LPIN2: variants seen among roughly 807,000 people sequenced by gnomAD.
LPIN2 encodes phosphatidate phosphatase LPIN2.
In LPIN2, 55 loss-of-function variants were observed where a neutral mutation model predicts 111.4. The observed-to-expected ratio is 0.49, with a 90% confidence interval of 0.40 to 0.62. LPIN2 has a LOEUF of 0.62. Ranked by LOEUF, LPIN2 falls within the 20% of genes least tolerant of loss-of-function variation. The probability of loss-of-function intolerance (pLI) is 0.00; values close to 1 mark genes in which losing one functional copy is unlikely to be tolerated. For synonymous variants in LPIN2, 425 were observed against 414.0 expected, an observed-to-expected ratio of 1.03 and a Z score of -0.32; for missense variants, 992 against 1,112.1, an observed-to-expected ratio of 0.89 and a Z score of 1.54.
At chr18:2,990,817 A>C in intron 1 of LPIN2, 1 of 396,408 alleles carries the variant, frequency 2.5e-6, no homozygotes, top group Middle Eastern at 9.1e-4. Context: ...ACAAGGAAAG[A>C]TACTTCCTAC....
chr18:2,996,667 C>CG (rs2078350240), intron 1 of LPIN2, among the ~76,000 whole-genome samples: 2 of 151,268 alleles, frequency 1.3e-5, no homozygotes, highest in Admixed American at 1.3e-4. Context: ...TTAGTAGAGA[C>CG]GGGGTTTCAC....
chr18:2,931,891 T>A (rs2077217868), intron 8 of LPIN2, among the ~76,000 whole-genome samples: 1 of 152,204 alleles, frequency 6.6e-6, no homozygotes, highest in African/African-American at 2.4e-5. Context: ...AAAATTACTG[T>A]AGTCCAAGGC....
At chr18:2,958,173 A>AAAAAAAAAAAAC (rs2077650874) in intron 2 of LPIN2, among the ~76,000 whole-genome samples, 1 of 126,256 alleles carries the variant, frequency 7.9e-6, no homozygotes, top group Non-Finnish European at 1.7e-5. Flanking sequence ...AAAAAAAAAA[A>AAAAAAAAAAAAC]CAGAAAAAAG....
intron 5 of LPIN2, among the ~76,000 whole-genome samples, chr18:2,940,101 G>C (rs2077348058): frequency 6.6e-6 from 1 of 152,228 alleles, no homozygotes; most frequent in African/African-American, 2.4e-5. Context: ...CAAGGCGAGA[G>C]GATCACCTGA....
chr18:2,923,677 CAT>C (rs2077089315), intron 16 of LPIN2, 96 bp downstream of exon 16: 14 of 1,024,976 alleles, frequency 1.4e-5, no homozygotes, highest in Admixed American at 3.4e-5. Context: ...AGCATAAACA[CAT>C]GACTCATGTG....
intron 1 of LPIN2, among the ~76,000 whole-genome samples, chr18:2,963,506 A>G (rs1032979416): frequency 6.6e-6 from 1 of 152,018 alleles, no homozygotes; most frequent in African/African-American, 2.4e-5. Flanking sequence ...AACACACTAT[A>G]AACTATTCCT....
In LPIN2 at chr18:2,973,902, CAG is replaced by C. The variant is rs146294858; in HGVS notation, c.-9-13055_-9-13054del. On this transcript the variant is annotated intron_variant, in intron 1 of 19. Transcript: ENST00000677752. ...GTGTGGAATTTTCCACTTGTGGCAT[CAG>C]AGAGTTTTGGATTTTAGAGCATTTT... Among the ~76,000 whole-genome samples, 1,313 of 152,318 alleles carry C rather than the reference CAG, an allele frequency of 8.6e-3. 10 individuals are homozygous for C. The highest frequency in any genetic ancestry group is 0.026 in the African/African-American group (1,086 of 41,558).
Position 2,946,482 on chromosome 18 carries a change from T to TG in LPIN2, c.590+4572dup, listed in dbSNP as rs772326342. 12 of 1,554,058 alleles carry TG rather than the reference T, an allele frequency of 7.7e-6. No homozygotes were observed. In the South Asian group the frequency reaches 1.1e-4, roughly 14 times the overall value. On this transcript the variant is annotated intron_variant, in intron 4 of 19. Transcript: ENST00000677752. ...TGATATGTGCAAGCATCGTCGGAAT[T>TG]GGTCTCAGGATCGAAGCGCTGACCG... is the stretch of plus-strand genomic sequence containing the variant.
chr18:3,004,451 T>C lies in LPIN2; in HGVS notation c.-10+8636A>G, dbSNP rs143080113. 1.9e-3 allele frequency among the ~76,000 whole-genome samples: 282 copies of C among 152,278 alleles called. 1 individual carries two copies. The highest frequency in any genetic ancestry group is 6.8e-3 in the Middle Eastern group (2 of 294). ...ACTTAGGGAAAACAGAAAGAACCTA[T>C]ATTAAAATATTGGGGGCTGGTTCCC... On this transcript the variant is annotated intron_variant, in intron 1 of 19. Transcript: ENST00000677752.
intron 1 of LPIN2, among the ~76,000 whole-genome samples, chr18:3,001,681 G>T (rs1353465476): frequency 1.3e-5 from 2 of 152,116 alleles, no homozygotes; most frequent in East Asian, 3.8e-4. Context: ...GCACAGAAAA[G>T]AAATGAAAGG....
intron 6 of LPIN2, among the ~76,000 whole-genome samples, chr18:2,938,380 C>T (rs1321026462): frequency 1.3e-5 from 2 of 152,016 alleles, no homozygotes; most frequent in African/African-American, 2.4e-5. Context: ...AAAAATTAGC[C>T]GGGCATGGTG....
intron 7 of LPIN2, among the ~76,000 whole-genome samples, chr18:2,936,985 A>C: frequency 6.6e-6 from 1 of 152,160 alleles, no homozygotes; most frequent in Non-Finnish European, 1.5e-5. Context: ...AAACCTACCT[A>C]ATTTAGCCTC....
rs1230586202 is a variant in LPIN2, at chr18:3,009,018, G to C, written c.-10+4069C>G. On this transcript the variant is annotated intron_variant, in intron 1 of 19. Transcript: ENST00000677752. ...GCGGTGGCTCACGCCTGTAATCCCA[G>C]CACTTTAGGAGGCGAAAGCAGGAGG... Among the ~76,000 whole-genome samples the C allele has an allele frequency of 2.0e-5, 3 of 151,522 alleles. No individual in the cohort carries two copies. In the East Asian group the frequency reaches 5.8e-4, roughly 29 times the overall value.
intron 5 of LPIN2, 25 bp downstream of exon 5, chr18:2,940,580 A>T (rs1568542238): frequency 7.6e-6 from 11 of 1,445,584 alleles, no homozygotes; most frequent in Non-Finnish European, 1.1e-5. Flanking sequence ...CTTTCAAGAA[A>T]CCAAGAAATT....
chr18:3,003,977 G>A (rs2078472703), intron 1 of LPIN2, among the ~76,000 whole-genome samples: 1 of 151,704 alleles, frequency 6.6e-6, no homozygotes, highest in Admixed American at 6.6e-5. Context: ...GCATTCCTGG[G>A]GGGAGGTCTA....
chr18:3,005,287 C>CTGCA (rs59157624), intron 1 of LPIN2, among the ~76,000 whole-genome samples: 13,286 of 151,658 alleles, frequency 0.088, 1,426 homozygotes, highest in African/African-American at 0.26. Context: ...GAGGTAGAGG[C>CTGCA]TGCAGCGAGC....
Position 2,954,592 on chromosome 18 carries a change from A to G in LPIN2, c.200T>C (p.Ile67Thr), listed in dbSNP as rs1385257235. The change falls in exon 3 of 20, where the codon ATA (isoleucine) becomes ACA (threonine). Residue 67 changes from isoleucine (I) to threonine (T), a missense_variant. Ile to Thr is a moderately conservative substitution (Grantham distance 89, BLOSUM62 -1). Around this residue, in one of 4 missense-constraint regions of LPIN2, gnomAD observed 67 missense variants for 112.1 expected, o/e 0.60. Transcript: ENST00000677752. ...VLRSKEKVID[I>T]EINGSAVDLH... ...ATCCACTGCACTGCCGTTGATTTCT[A>G]TATCAATCTATGGGAGAAACAAAGT... The G allele has an allele frequency of 1.0e-5, 16 of 1,605,594 alleles. No homozygotes were observed. Among genetic ancestry groups the G allele is most frequent in the African/African-American group, 1.3e-5 (1 of 74,742 alleles).
At chr18:2,926,129 CA>C in intron 13 of LPIN2, among the ~76,000 whole-genome samples, 1 of 152,118 alleles carries the variant, frequency 6.6e-6, no homozygotes, top group South Asian at 2.1e-4. Context: ...TAGAAAAAAA[CA>C]AAAACTAGTA....
At chr18:2,982,790 T>C (rs1456489268) in intron 1 of LPIN2, 2 of 1,163,480 alleles carry the variant, frequency 1.7e-6, no homozygotes, top group African/African-American at 3.2e-5. Context: ...AACTAGCATG[T>C]CTTTTTTCAG....
Sources: gnomAD v4.1 joint callset for allele counts (sites outside exome capture counted in the v4.1 genomes callset) on GRCh38, gnomAD v4.1.1 for gene constraint, gnomAD v4.1.1 regional missense constraint, MANE v1.5 for transcripts, NCBI Gene and HGNC (gene_info 2026-07-23, HGNC 2026-07-21) for gene names.